RFX2: variants seen among roughly 807,000 people sequenced by gnomAD.
RFX2 encodes the protein DNA-binding protein RFX2.
Under a neutral mutation model 87.8 loss-of-function variants are expected in RFX2, and 20 were observed. The observed-to-expected ratio is 0.23, with a 90% CI of 0.16 to 0.33. RFX2 has a LOEUF of 0.33. Among genes scored for constraint, RFX2 ranks in the 10% least tolerant of loss-of-function variants. The pLI, the probability that RFX2 is intolerant of heterozygous loss-of-function variation, is 1.00. For missense variants in RFX2, 767 were observed against 1,012.3 expected (o/e 0.76, Z 3.29); for synonymous variants, 397 against 431.3 (o/e 0.92, Z 0.98).
chr19:6,030,066 T>G (rs559114402), intron 5 of RFX2, among the ~76,000 whole-genome samples: 12 of 152,332 alleles, frequency 7.9e-5, no homozygotes, highest in Admixed American at 5.9e-4. Flanking sequence ...AGTGGTAAAG[T>G]CTATTTGAAT....
chr19:6,063,858 G>A lies in RFX2; in HGVS notation c.-8-16354C>T, dbSNP rs1331129814. 6.6e-6 allele frequency among the ~76,000 whole-genome samples: 1 copy of A among 152,188 alleles called. No individual in the cohort carries two copies. The highest frequency in any genetic ancestry group is 1.5e-5 in the Non-Finnish European group (1 of 68,026). On this transcript the variant is annotated intron_variant, in intron 1 of 17. Transcript: ENST00000303657. The surrounding 1 kb of genome is among the most constrained non-coding windows in gnomAD (Gnocchi z 4.0). ...TGTCTGACAGCCACAAATGTCTCCA[G>A]ACATCGCCCAGTGTCCCCTGGGGGC...
rs752826311 is a variant in RFX2 at position 6,010,092 on chromosome 19, G to A, written c.1015+44C>T. ...TGGTGTTGAAACCCAGGAGTGTGGCGAGCAGATGGGAGCCCCGCCCCCGGG... is the reference window on the plus strand; with the variant it reads ...TGGTGTTGAAACCCAGGAGTGTGGCAAGCAGATGGGAGCCCCGCCCCCGGG... On this transcript the variant is annotated intron_variant, in intron 9 of 17. Coordinates refer to ENST00000303657, the MANE Select transcript of RFX2 (RefSeq NM_000635.4). This position sits in a 1 kb window ranked among gnomAD's most constrained non-coding sequence, Gnocchi z 5.0. 18 of 1,250,448 alleles carry A rather than the reference G, an allele frequency of 1.4e-5. No individual in the cohort carries two copies. The highest frequency in any genetic ancestry group is 9.1e-5 in the South Asian group (7 of 77,200). 77.5% of individuals were successfully genotyped at this position (1,250,448 alleles called of 1,614,324 possible). A position where few individuals can be genotyped will look rare whatever the true frequency, so the allele number is the denominator to read the frequency against.
intron 1 of RFX2, among the ~76,000 whole-genome samples, chr19:6,070,497 C>A (rs2087591930): frequency 6.6e-6 from 1 of 152,144 alleles, no homozygotes; most frequent in Non-Finnish European, 1.5e-5. Context: ...GGTGGACGGG[C>A]TTGAAGCCAC....
intron 1 of RFX2, chr19:6,068,110 T>C (rs2087540063): frequency 6.6e-6 from 1 of 152,152 alleles, no homozygotes; most frequent in Non-Finnish European, 1.5e-5. Context: ...CAACCTTGAA[T>C]GCTAGTCCTG....
chr19:6,003,774 G>A (rs143140157), intron 13 of RFX2, among the ~76,000 whole-genome samples: 1,359 of 87,614 alleles, frequency 0.016, 31 homozygotes, highest in African/African-American at 0.061. Context: ...GTGAGACTCT[G>A]TCTCAAAAAA....
In RFX2 at chr19:6,036,445, T is replaced by A. The variant is rs1040576910; in HGVS notation, c.522+3535A>T. ...GGAAGAGAGAGGACAGCAAGATTCA[T>A]GGGGCCTCTCTGATGCCAGGGTGAC... On this transcript the variant is annotated intron_variant, in intron 5 of 17. Transcript: ENST00000303657. 3.3e-5 allele frequency among the ~76,000 whole-genome samples: 5 copies of A among 152,146 alleles called. 1 individual carries two copies. The East Asian group carries it at 9.6e-4, about 29-fold the overall frequency.
intron 1 of RFX2, among the ~76,000 whole-genome samples, chr19:6,091,740 G>C (rs1241001306): frequency 6.6e-5 from 10 of 152,248 alleles, no homozygotes; most frequent in Non-Finnish European, 1.5e-4. Context: ...AAAATCTCGA[G>C]TGATGGGAGA....
At chr19:6,067,383 G>A (rs1475921252) in intron 1 of RFX2, among the ~76,000 whole-genome samples, 1 of 152,206 alleles carries the variant, frequency 6.6e-6, no homozygotes, top group Admixed American at 6.5e-5. Context: ...GCTTTGCCGG[G>A]AGGGACTTAC....
At chr19:6,092,616 C>T (rs962380303) in intron 1 of RFX2, among the ~76,000 whole-genome samples, 1 of 151,972 alleles carries the variant, frequency 6.6e-6, no homozygotes, top group African/African-American at 2.4e-5. Context: ...AAGAGGCACA[C>T]GCGAGCATGG....
intron 1 of RFX2, among the ~76,000 whole-genome samples, chr19:6,070,110 G>C (rs369802975): frequency 4.5e-4 from 1 of 2,216 alleles, no homozygotes; most frequent in African/African-American, 1.6e-3. Flanking sequence ...GGGATGGGAT[G>C]GGATGGGATG....
At chr19:6,102,769 G>T (rs10405147) in intron 1 of RFX2, among the ~76,000 whole-genome samples, 12,315 of 152,204 alleles carry the variant, frequency 0.081, 537 homozygotes, top group Middle Eastern at 0.11. Context: ...AGCCCAGTCC[G>T]CATCACACGG....
At chr19:6,098,116 A>ATCT (rs2088056489) in intron 1 of RFX2, among the ~76,000 whole-genome samples, 1 of 152,152 alleles carries the variant, frequency 6.6e-6, no homozygotes, top group Non-Finnish European at 1.5e-5. Flanking sequence ...TGACTCGATA[A>ATCT]ATGACGTCAT....
At chr19:6,072,970 A>G in intron 1 of RFX2, 1 of 656,516 alleles carries the variant, frequency 1.5e-6, no homozygotes, top group South Asian at 1.5e-5. Flanking sequence ...CAGAAGGTTC[A>G]AGGACCAGAT....
intron 1 of RFX2, among the ~76,000 whole-genome samples, chr19:6,093,385 A>T (rs10405373): frequency 0.12 from 18,414 of 151,936 alleles, 1,291 homozygotes; most frequent in African/African-American, 0.2. Flanking sequence ...AATACAAAAA[A>T]TTTGCCGGGC....
chr19:6,084,921 G>A (rs1215993782), intron 1 of RFX2, among the ~76,000 whole-genome samples: 2 of 152,208 alleles, frequency 1.3e-5, no homozygotes, highest in East Asian at 3.8e-4. Context: ...AGAGGTGTGA[G>A]CCACTGCGCC....
At chr19:6,053,614 T>C (rs143226374) in intron 1 of RFX2, among the ~76,000 whole-genome samples, 326 of 152,324 alleles carry the variant, frequency 2.1e-3, no homozygotes, top group African/African-American at 7.3e-3. Flanking sequence ...GGGAAATCTC[T>C]GTATTTTCCT....
chr19:6,036,365 C>G (rs1238104398), intron 5 of RFX2, among the ~76,000 whole-genome samples: 1 of 152,064 alleles, frequency 6.6e-6, no homozygotes, highest in Non-Finnish European at 1.5e-5. Context: ...AGGGAGGAGG[C>G]ATGGGGCACT....
intron 10 of RFX2, 40 bp downstream of exon 10, chr19:6,008,065 AG>A: frequency 7.0e-7 from 1 of 1,423,594 alleles, no homozygotes; most frequent in Non-Finnish European, 9.7e-7. Flanking sequence ...GGTTCCCGGG[AG>A]GGACACGCAG....
intron 1 of RFX2, among the ~76,000 whole-genome samples, chr19:6,075,057 G>A (rs143889475): frequency 6.6e-6 from 1 of 152,200 alleles, no homozygotes; most frequent in African/African-American, 2.4e-5. Context: ...GTGATGTGAG[G>A]ACACAGCAAG....
Sources: allele counts gnomAD v4.1 joint callset (sites outside exome capture counted in the v4.1 genomes callset), GRCh38; gene constraint gnomAD v4.1.1; non-coding constraint Gnocchi (gnomAD v3.1); transcripts MANE v1.5; gene names NCBI Gene and HGNC (gene_info 2026-07-23, HGNC 2026-07-21).